The following ZNF385D variants were observed in gnomAD, a reference collection of about 807,000 sequenced individuals.
ZNF385D encodes the protein zinc finger protein 385D, also known as zinc finger protein 659.
A neutral mutation model predicts 35.8 loss-of-function variants in ZNF385D; 15 were observed. That is an observed-to-expected ratio of 0.42 (90% CI 0.28 to 0.64). The LOEUF is 0.64. Among genes scored for constraint, ZNF385D ranks in the 30% least tolerant of loss-of-function variants. ZNF385D has a pLI of 0.23. For synonymous variants in ZNF385D, 212 were observed against 186.8 expected (o/e 1.13, Z -1.10); for missense variants, 474 against 494.6 (o/e 0.96, Z 0.39).
At chr3:22,254,071 G>A (rs1470509117) in intron 2 of ZNF385D, among the ~76,000 whole-genome samples, 1 of 151,570 alleles carries the variant, frequency 6.6e-6, no homozygotes, top group Non-Finnish European at 1.5e-5. Context: ...GCACACAATG[G>A]GGAAAATATT....
At chr3:22,198,292 T>G (rs909367955) in intron 2 of ZNF385D, among the ~76,000 whole-genome samples, 1 of 152,088 alleles carries the variant, frequency 6.6e-6, no homozygotes, top group Non-Finnish European at 1.5e-5. Context: ...ACAATAATAT[T>G]CTTAGTTTAT....
chr3:21,784,638 A>G (rs368156948), intron 3 of ZNF385D, among the ~76,000 whole-genome samples: 1 of 131,940 alleles, frequency 7.6e-6, no homozygotes, highest in African/African-American at 2.9e-5. Flanking sequence ...TAGTACTTTA[A>G]TTAATTAATT....
At chr3:22,285,450 A>AT (rs199854234) in intron 2 of ZNF385D, among the ~76,000 whole-genome samples, 1 of 152,086 alleles carries the variant, frequency 6.6e-6, no homozygotes, top group African/African-American at 2.4e-5. Flanking sequence ...TATTGACAGG[A>AT]TTTTTTTCTC....
intron 2 of ZNF385D, among the ~76,000 whole-genome samples, chr3:22,327,377 A>T (rs1241343004): frequency 6.6e-6 from 1 of 152,218 alleles, no homozygotes; most frequent in African/African-American, 2.4e-5. Context: ...CATGTGTGAA[A>T]GCCTGCCTAT....
intron 2 of ZNF385D, among the ~76,000 whole-genome samples, chr3:22,205,701 C>G (rs950013390): frequency 1.3e-5 from 2 of 151,910 alleles, no homozygotes; most frequent in South Asian, 2.1e-4. Flanking sequence ...ATATGGGTTA[C>G]AAGATATTAT....
At chr3:21,588,915 CCACT>C (rs1324307692) in intron 2 of ZNF385D, among the ~76,000 whole-genome samples, 1 of 152,114 alleles carries the variant, frequency 6.6e-6, no homozygotes, top group Non-Finnish European at 1.5e-5. Flanking sequence ...GCTCATACAT[CCACT>C]CACTCAATTA....
intron 3 of ZNF385D, among the ~76,000 whole-genome samples, chr3:21,858,370 G>T (rs1038920391): frequency 6.6e-6 from 1 of 151,858 alleles, no homozygotes; most frequent in Non-Finnish European, 1.5e-5. Context: ...GTTCACATGT[G>T]CTATGGTCTG....
chr3:22,157,387 T>C (rs1032738933), intron 3 of ZNF385D, among the ~76,000 whole-genome samples: 7 of 152,068 alleles, frequency 4.6e-5, no homozygotes, highest in Admixed American at 3.9e-4. Context: ...AGCAGACCCG[T>C]TGTCTTCCTC....
intron 2 of ZNF385D, among the ~76,000 whole-genome samples, chr3:21,589,786 T>C (rs936462631): frequency 1.3e-5 from 2 of 152,166 alleles, no homozygotes; most frequent in African/African-American, 4.8e-5. Context: ...AAAATTACTT[T>C]TGGATTCTAC....
intron 2 of ZNF385D, among the ~76,000 whole-genome samples, chr3:22,188,740 G>A (rs537240114): frequency 3.9e-5 from 6 of 152,284 alleles, no homozygotes; most frequent in Admixed American, 2.0e-4. Flanking sequence ...ATGAGCCACC[G>A]CGCCCAGCCG....
In ZNF385D at chr3:21,465,617, T is replaced by A. The variant is rs1703463108; in HGVS notation, c.440-28414A>T. Among the ~76,000 whole-genome samples, 2 of 152,226 alleles carry A rather than the reference T, an allele frequency of 1.3e-5. No homozygotes were observed. The highest frequency in any genetic ancestry group is 1.3e-4 in the Admixed American group (2 of 15,274). The stretch of plus-strand genomic sequence containing the variant: ...AGAATGTATTCGAGTTATGCATATT[T>A]CCTGGCACTCTTGTCTCACATCTGT... On this transcript the variant is annotated intron_variant, in intron 4 of 7. Transcript: ENST00000281523. The surrounding 1 kb of genome is among the most constrained non-coding windows in gnomAD (Gnocchi z 4.2).
Position 22,336,067 on chromosome 3 carries a change from A to G in ZNF385D, c.106+36383T>C, listed in dbSNP as rs371751485. Among the ~76,000 whole-genome samples, 16 of 144,068 alleles carry G rather than the reference A, an allele frequency of 1.1e-4. No homozygotes were observed. The East Asian group carries it at 2.3e-3, about 21-fold the overall frequency. The allele number at this position is 144,068 out of a possible 152,430, so 94.5% of individuals were successfully genotyped here. ...TGATACAGATTAAATATACTAAACT[A>G]CTGATCTAGATTAAGTAATCTGAAA... is the stretch of plus-strand genomic sequence containing the variant. On this transcript the variant is annotated intron_variant, in intron 2 of 5. Coordinates refer to the ZNF385D transcript ENST00000494108.
rs77376568 is a variant in ZNF385D, at chr3:21,735,317, G to C, written c.22+15578C>G. Among the ~76,000 whole-genome samples the C allele has an allele frequency of 3.2e-3, 486 of 152,272 alleles. 4 individuals carry two copies. Among genetic ancestry groups the C allele is most frequent in the African/African-American group, 0.012 (478 of 41,544 alleles). Reference sequence around the variant, plus strand: ...CAATGACCATCCCTTATATCCCTAGGAGAACAAACAATACTAGGAAGTAGT... The same window carrying C: ...CAATGACCATCCCTTATATCCCTAGCAGAACAAACAATACTAGGAAGTAGT... On this transcript the variant is annotated intron_variant, in intron 1 of 7. Coordinates refer to ENST00000281523, the MANE Select transcript of ZNF385D (RefSeq NM_024697.3).
intron 3 of ZNF385D, among the ~76,000 whole-genome samples, chr3:21,874,034 A>C (rs1212736574): frequency 6.6e-6 from 1 of 151,368 alleles, no homozygotes; most frequent in Non-Finnish European, 1.5e-5. Context: ...ATCATATGGT[A>C]GTTCTATTTT....
At chr3:21,681,827 G>GA (rs5847125) in intron 1 of ZNF385D, among the ~76,000 whole-genome samples, 114,163 of 152,012 alleles carry the variant, frequency 0.75, 42,974 homozygotes, top group Admixed American at 0.78. Flanking sequence ...GAGGGAAAGA[G>GA]AGGCAAAGAT....
At chr3:22,000,764 G>GA (rs34477208) in intron 3 of ZNF385D, among the ~76,000 whole-genome samples, 97,506 of 149,712 alleles carry the variant, frequency 0.65, 32,890 homozygotes, top group African/African-American at 0.81. Context: ...TCTGAAAGAG[G>GA]AAAAAAAAAC....
intron 2 of ZNF385D, among the ~76,000 whole-genome samples, chr3:22,328,202 C>T (rs535396084): frequency 6.6e-6 from 1 of 152,052 alleles, no homozygotes; most frequent in South Asian, 2.1e-4. Context: ...CATTTCCTCT[C>T]TCCTTTCCAC....
intron 3 of ZNF385D, among the ~76,000 whole-genome samples, chr3:22,126,607 C>T (rs1354272758): frequency 6.6e-6 from 1 of 151,850 alleles, no homozygotes; most frequent in East Asian, 1.9e-4. Flanking sequence ...AATGTATGCT[C>T]CATCCTTGAG....
chr3:21,713,777 A>T (rs2125422816), intron 1 of ZNF385D, among the ~76,000 whole-genome samples: 1 of 152,282 alleles, frequency 6.6e-6, no homozygotes, highest in Middle Eastern at 3.4e-3. Context: ...TCCCACAGTC[A>T]GAGACTGCAT....
Sources: gnomAD v4.1 joint callset for allele counts (sites outside exome capture counted in the v4.1 genomes callset) on GRCh38, gnomAD v4.1.1 for gene constraint, Gnocchi (gnomAD v3.1) non-coding constraint, MANE v1.5 for transcripts, NCBI Gene and HGNC (gene_info 2026-07-23, HGNC 2026-07-21) for gene names.